The following UBE3D variants were observed in gnomAD, a reference collection of about 807,000 sequenced individuals.
UBE3D encodes the protein E3 ubiquitin-protein ligase E3D.
A neutral mutation model predicts 49.6 loss-of-function variants in UBE3D; 48 were observed. That is an observed-to-expected ratio of 0.97 (90% CI 0.77 to 1.23). UBE3D has a LOEUF of 1.23. Among genes scored for constraint, UBE3D ranks in the 50% most tolerant of loss-of-function variants. The pLI, the probability that UBE3D is intolerant of heterozygous loss-of-function variation, is 0.00. For synonymous variants in UBE3D, 189 were observed against 174.2 expected (o/e 1.08, Z -0.67); for missense variants, 452 against 468.4 (o/e 0.96, Z 0.32).
chr6:82,909,317 A>T (rs1772330339), intron 9 of UBE3D, among the ~76,000 whole-genome samples: 1 of 152,232 alleles, frequency 6.6e-6, no homozygotes, highest in African/African-American at 2.4e-5. Flanking sequence ...TGAATTGCAT[A>T]AACATTTTCT....
At chr6:82,979,771 CATCT>C (rs1458000713) in intron 8 of UBE3D, among the ~76,000 whole-genome samples, 3 of 152,060 alleles carry the variant, frequency 2.0e-5, no homozygotes, top group Admixed American at 6.6e-5. Flanking sequence ...AACTCTCCAA[CATCT>C]ATCATTCCAC....
chr6:83,054,797 C>T (rs1783708214), intron 2 of UBE3D, among the ~76,000 whole-genome samples: 1 of 152,026 alleles, frequency 6.6e-6, no homozygotes, highest in African/African-American at 2.4e-5. Context: ...ATTACAGGCG[C>T]CCATCACCAT....
chr6:82,986,768 T>C (rs763364433), intron 8 of UBE3D, among the ~76,000 whole-genome samples: 1 of 148,412 alleles, frequency 6.7e-6, no homozygotes, highest in Non-Finnish European at 1.5e-5. Context: ...ATTATACATA[T>C]ATATTCTTTA....
intron 8 of UBE3D, among the ~76,000 whole-genome samples, chr6:82,976,060 T>G (rs1777696153): frequency 6.6e-6 from 1 of 152,218 alleles, no homozygotes; most frequent in African/African-American, 2.4e-5. Flanking sequence ...CCAAGAAATG[T>G]AAGGCAAATT....
chr6:83,063,467 T>TAAG (rs985935504), intron 1 of UBE3D, among the ~76,000 whole-genome samples: 1 of 116,128 alleles, frequency 8.6e-6, no homozygotes, highest in Non-Finnish European at 1.9e-5. Context: ...AAGTCACAGA[T>TAAG]AAGAATAGTC....
At chr6:82,910,358 A>G (rs1472076084) in intron 9 of UBE3D, among the ~76,000 whole-genome samples, 1 of 152,222 alleles carries the variant, frequency 6.6e-6, no homozygotes, top group Non-Finnish European at 1.5e-5. Flanking sequence ...CAAATTAATT[A>G]TATAACTAGA....
intron 8 of UBE3D, among the ~76,000 whole-genome samples, chr6:82,984,047 C>T (rs1200510259): frequency 6.6e-6 from 1 of 152,072 alleles, no homozygotes; most frequent in Non-Finnish European, 1.5e-5. Flanking sequence ...TTTTAAAAGC[C>T]TAACTTGTAT....
At chr6:82,967,850 C>A (rs2127700563) in intron 8 of UBE3D, among the ~76,000 whole-genome samples, 1 of 152,094 alleles carries the variant, frequency 6.6e-6, no homozygotes, top group South Asian at 2.1e-4. Flanking sequence ...ACTATATTAT[C>A]AAGGCTAGTT....
downstream of UBE3D, among the ~76,000 whole-genome samples, chr6:82,887,601 C>A (rs552634212): frequency 6.7e-6 from 1 of 149,686 alleles, no homozygotes; most frequent in Non-Finnish European, 1.5e-5. Context: ...CCCAGCTACT[C>A]GGGAGGCTGA....
chr6:83,063,412 T>TAAAAAAAAAAAAA (rs201669450), intron 1 of UBE3D, among the ~76,000 whole-genome samples: 4 of 45,488 alleles, frequency 8.8e-5, no homozygotes, highest in Non-Finnish European at 1.3e-4. Flanking sequence ...AGACGCTGTC[T>TAAAAAAAAAAAAA]AAAAAAAAAA....
At chr6:82,946,430 A>G (rs1006619165) in intron 9 of UBE3D, among the ~76,000 whole-genome samples, 1 of 152,152 alleles carries the variant, frequency 6.6e-6, no homozygotes, top group Non-Finnish European at 1.5e-5. Flanking sequence ...TTCAAACACA[A>G]AGAAGAAATA....
chr6:82,911,133 A>G lies in UBE3D; in HGVS notation c.1150-18091T>C, dbSNP rs149879778. Reference sequence around the variant, plus strand: ...AACAGTTCACTATAGCCATAATGTCATAGAAGGATGGAAAAATCATTTTTC... The same window carrying G: ...AACAGTTCACTATAGCCATAATGTCGTAGAAGGATGGAAAAATCATTTTTC... On this transcript the variant is annotated intron_variant, in intron 9 of 9. Transcript: ENST00000369747. Among the ~76,000 whole-genome samples, 357 of 149,608 alleles carry G rather than the reference A, an allele frequency of 2.4e-3. 1 individual carries two copies. The highest frequency in any genetic ancestry group is 8.3e-3 in the African/African-American group (338 of 40,740).
intron 5 of UBE3D, among the ~76,000 whole-genome samples, chr6:83,026,716 C>G (rs1473237178): frequency 6.6e-6 from 1 of 152,012 alleles, no homozygotes; most frequent in African/African-American, 2.4e-5. Flanking sequence ...TTATTTAAGA[C>G]AGGGTCTTGC....
chr6:82,968,970 C>A (rs1320538530), intron 8 of UBE3D, among the ~76,000 whole-genome samples: 4 of 152,054 alleles, frequency 2.6e-5, no homozygotes, highest in African/African-American at 9.7e-5. Flanking sequence ...AGTTTGTAAG[C>A]AATACTCAAA....
chr6:83,031,117 C>CA (rs1311762488), intron 5 of UBE3D, among the ~76,000 whole-genome samples: 15 of 152,274 alleles, frequency 9.9e-5, no homozygotes, highest in African/African-American at 3.6e-4. Flanking sequence ...AAGTGATTAT[C>CA]ATGCCTCAGC....
At chr6:82,898,249 A>G (rs1771474037) in intron 9 of UBE3D, among the ~76,000 whole-genome samples, 1 of 152,214 alleles carries the variant, frequency 6.6e-6, no homozygotes, top group Non-Finnish European at 1.5e-5. Context: ...AATTAGTTCA[A>G]CATTGTGGAA....
At chr6:82,901,558 T>A (rs534030627) in intron 9 of UBE3D, among the ~76,000 whole-genome samples, 1 of 152,242 alleles carries the variant, frequency 6.6e-6, no homozygotes, top group Non-Finnish European at 1.5e-5. Context: ...GTTGATCTAG[T>A]CCAACCATTT....
intron 9 of UBE3D, among the ~76,000 whole-genome samples, chr6:82,895,426 G>A (rs944790188): frequency 6.6e-6 from 1 of 152,156 alleles, no homozygotes; most frequent in African/African-American, 2.4e-5. Context: ...GACATTTTCG[G>A]TTGTCAACGT....
rs1222420514 is a variant in UBE3D, at chr6:82,951,904, G to A, written c.1149+5408C>T. 2.6e-5 allele frequency among the ~76,000 whole-genome samples: 4 copies of A among 152,264 alleles called. No homozygotes were observed. In the East Asian group the frequency reaches 7.7e-4, roughly 29 times the overall value. The stretch of plus-strand genomic sequence containing the variant: ...ACTACTTCTTGTGGAGGTAAGGAAG[G>A]CTGCCACTAAGAATGTACATAAGGG... On this transcript the variant is annotated intron_variant, in intron 9 of 9. Coordinates refer to ENST00000369747, the MANE Select transcript of UBE3D (RefSeq NM_198920.3).
Sources: allele counts gnomAD v4.1 joint callset (sites outside exome capture counted in the v4.1 genomes callset), GRCh38; gene constraint gnomAD v4.1.1; transcripts MANE v1.5; gene names NCBI Gene and HGNC (gene_info 2026-07-23, HGNC 2026-07-21).